VTI1B: variants seen among roughly 807,000 people sequenced by gnomAD.
The protein encoded by VTI1B is vesicle transport through interaction with t-SNAREs 1B.
A neutral mutation model predicts 28.6 loss-of-function variants in VTI1B; 18 were observed. The observed-to-expected ratio is 0.63, with a 90% confidence interval of 0.43 to 0.93. VTI1B has a LOEUF of 0.93. VTI1B is among the 40% of genes least tolerant of loss of function. VTI1B has a pLI of 0.00. For synonymous variants in VTI1B, 100 were observed against 107.9 expected, an observed-to-expected ratio of 0.93 and a Z score of 0.46; for missense variants, 283 against 297.0, an observed-to-expected ratio of 0.95 and a Z score of 0.35.
chr14:67,674,330 C>T, intron 1 of VTI1B, 45 bp downstream of exon 1: 1 of 1,487,164 alleles, frequency 6.7e-7, no homozygotes, highest in Non-Finnish European at 9.0e-7. Flanking sequence ...CCTTCCAAAG[C>T]GCGCAGGGCT....
intron 1 of VTI1B, among the ~76,000 whole-genome samples, chr14:67,667,923 G>T (rs1388640106): frequency 6.6e-5 from 10 of 152,058 alleles, no homozygotes; most frequent in Admixed American, 6.6e-4. Flanking sequence ...CAGCCTGGGT[G>T]AAAGAGCAAC....
intron 1 of VTI1B, among the ~76,000 whole-genome samples, chr14:67,672,875 C>A (rs984641913): frequency 6.6e-6 from 1 of 152,224 alleles, no homozygotes; most frequent in Non-Finnish European, 1.5e-5. Context: ...CATGATCTGG[C>A]CCTGCTTATC....
chr14:67,665,747 C>T (rs1018822974), intron 1 of VTI1B, among the ~76,000 whole-genome samples: 2 of 152,174 alleles, frequency 1.3e-5, no homozygotes, highest in African/African-American at 4.8e-5. Flanking sequence ...AATGACAACA[C>T]ACCCTTTACT....
chr14:67,671,825 C>A (rs2037468353), intron 1 of VTI1B, among the ~76,000 whole-genome samples: 3 of 152,140 alleles, frequency 2.0e-5, no homozygotes, highest in Admixed American at 2.0e-4. Context: ...AGAGAGCAGG[C>A]AAGCAAGAGA....
intron 1 of VTI1B, among the ~76,000 whole-genome samples, chr14:67,671,845 T>G (rs2037468635): frequency 6.6e-6 from 1 of 152,170 alleles, no homozygotes; most frequent in Admixed American, 6.5e-5. Context: ...AGGGCTGAAC[T>G]AACCCACTCT....
At position 67,649,956 on chromosome 14, in the gene VTI1B, G is replaced by A. The variant is rs539442013; in HGVS notation, c.*1429C>T. Reference sequence around the variant, plus strand: ...GTAGCAGGTCTGGATAGGTTCTTCTGGTTTAAGCTTCCCTTCCACTTGCTC... The same window carrying A: ...GTAGCAGGTCTGGATAGGTTCTTCTAGTTTAAGCTTCCCTTCCACTTGCTC... On this transcript the variant is annotated 3_prime_UTR_variant, in exon 6 of 6. Transcript: ENST00000554659. 6.6e-6 allele frequency: 1 copy of A among 152,332 alleles called. No homozygotes were observed. Among genetic ancestry groups the A allele is most frequent in the African/African-American group, 2.4e-5 (1 of 41,554 alleles). 9.4% of individuals were successfully genotyped at this position (152,332 alleles called of 1,614,324 possible).
intron 1 of VTI1B, 26 bp from the exon 2 acceptor site, chr14:67,662,561 T>G (rs1370497902): frequency 6.3e-7 from 1 of 1,579,620 alleles, no homozygotes. Context: ...AAGTTTCAAA[T>G]GCTTATTACT....
At position 67,653,503 on chromosome 14, in the gene VTI1B, G is replaced by A. The variant is rs559193124; in HGVS notation, c.541-5C>T. 19 of 1,612,774 alleles carry A rather than the reference G, an allele frequency of 1.2e-5. No homozygotes were observed. The highest frequency in any genetic ancestry group is 4.0e-5 in the African/African-American group (3 of 74,906). Reference sequence around the variant, plus strand: ...GTTTTCACTTGTGTTTACCAGCTGAGAAGAGAAAATAGTGATTATTTCCCT... The same window carrying A: ...GTTTTCACTTGTGTTTACCAGCTGAAAAGAGAAAATAGTGATTATTTCCCT... On this transcript the variant is annotated splice_region_variant and splice_polypyrimidine_tract_variant and intron_variant, in intron 4 of 5. Transcript: ENST00000554659.
Position 67,656,592 on chromosome 14 carries a change from GA to G in VTI1B, c.367-4del. On this transcript the variant is annotated splice_region_variant and splice_polypyrimidine_tract_variant and intron_variant, in intron 3 of 5. Transcript: ENST00000554659. ...GCCCTTTGAGACTGTAGCCGATTCT[GA>G]AAGAAGTATGGAAGAGAAATGTTAG... 6.3e-7 allele frequency: 1 copy of G among 1,597,250 alleles called. No homozygotes were observed. Among genetic ancestry groups the G allele is most frequent in the Non-Finnish European group, 8.5e-7 (1 of 1,172,108 alleles).
At chr14:67,674,323 T>C (rs1182974070) in intron 1 of VTI1B, 52 bp downstream of exon 1, 5 of 1,468,486 alleles carry the variant, frequency 3.4e-6, no homozygotes, top group Non-Finnish European at 4.5e-6. Context: ...GAATCTTCCT[T>C]CCAAAGCGCG....
chr14:67,674,558 C>A lies in VTI1B; in HGVS notation c.-69G>T. 2 of 1,392,068 alleles carry A rather than the reference C, an allele frequency of 1.4e-6. No homozygotes were observed. Among genetic ancestry groups the A allele is most frequent in the South Asian group, 1.4e-5 (1 of 71,740 alleles). The allele number at this position is 1,392,068 out of a possible 1,614,324, so 86.2% of individuals were successfully genotyped here. A position where few individuals can be genotyped will look rare whatever the true frequency, so the allele number is the denominator to read the frequency against. On this transcript the variant is annotated 5_prime_UTR_variant, in exon 1 of 6. The change abolishes the stop of an existing upstream ORF in the 5' untranslated region. Transcript: ENST00000554659. ...CTGGGCCCTTTCCTAGCCCGGCGGT[C>A]AGCCGCCCAGCCCAGTGGCCATAAC...
rs760437945 is a variant in VTI1B, at chr14:67,651,444, AGAT to A, written c.637_639del (p.Ile213del). The A allele has an allele frequency of 2.5e-6, 4 of 1,614,012 alleles. No individual in the cohort carries two copies. In the African/African-American group the frequency reaches 4.0e-5, roughly 16 times the overall value. On this transcript the variant is annotated inframe_deletion, in exon 6 of 6. Coordinates refer to ENST00000554659, the MANE Select transcript of VTI1B (RefSeq NM_006370.3). ...CCTCCCAGGATGGCGAGCTCCAGTA[AGAT>A]GATAATGGAAAGCAGCAGCTTGTTG...
At chr14:67,672,744 G>T (rs2037483954) in intron 1 of VTI1B, among the ~76,000 whole-genome samples, 1 of 152,042 alleles carries the variant, frequency 6.6e-6, no homozygotes, top group Admixed American at 6.6e-5. Flanking sequence ...TACCCTGCCT[G>T]CAGTCTACTT....
At chr14:67,653,821 A>G (rs2037219618) in intron 4 of VTI1B, among the ~76,000 whole-genome samples, 1 of 152,252 alleles carries the variant, frequency 6.6e-6, no homozygotes, top group Non-Finnish European at 1.5e-5. Flanking sequence ...CAGTGACTGT[A>G]GAGCAACTTA....
rs1006621317 is a variant in VTI1B at position 67,648,959 on chromosome 14, G to T, written c.*2426C>A. On this transcript the variant is annotated 3_prime_UTR_variant, in exon 6 of 6. Transcript: ENST00000554659. ...AGAGAACCCTTGACTAGCTGGGATA[G>T]AAACTCACATTGAGAAATGGTCTCC... The T allele has an allele frequency of 2.6e-5, 4 of 152,200 alleles. No individual in the cohort carries two copies. Among genetic ancestry groups the T allele is most frequent in the South Asian group, 2.1e-4 (1 of 4,830 alleles). 9.4% of individuals were successfully genotyped at this position (152,200 alleles called of 1,614,324 possible).
intron 1 of VTI1B, among the ~76,000 whole-genome samples, chr14:67,669,271 T>A (rs61990130): frequency 1.4e-5 from 1 of 73,720 alleles, no homozygotes; most frequent in Non-Finnish European, 2.3e-5. Flanking sequence ...TTCTTCATAA[T>A]TTTTTTTTTT....
chr14:67,659,598 A>C (rs1207317245), intron 3 of VTI1B, 133 bp downstream of exon 3: 6 of 896,512 alleles, frequency 6.7e-6, no homozygotes, highest in Non-Finnish European at 9.5e-6. Context: ...TGCAGAAAAG[A>C]GGATAAGGGT....
At chr14:67,665,349 GAAGCAATCCTCCCACCTGCTC>G (rs1425820035) in intron 1 of VTI1B, among the ~76,000 whole-genome samples, 1 of 148,160 alleles carries the variant, frequency 6.7e-6, no homozygotes, top group Non-Finnish European at 1.5e-5. Context: ...CTCCCAGGCT[GAAGCAATCCTCCCACCTGCTC>G]AAGCAATTCT....
rs892682163 is a variant in VTI1B at position 67,648,928 on chromosome 14, G to A, written c.*2457C>T. 4 of 152,236 alleles carry A rather than the reference G, an allele frequency of 2.6e-5. No homozygotes were observed. The highest frequency in any genetic ancestry group is 2.0e-4 in the Admixed American group (3 of 15,290). The allele number at this position is 152,236 out of a possible 1,614,324, so 9.4% of individuals were successfully genotyped here. ...AGAGACCCCAGATTGAAAGGTTCAG[G>A]GCTATAGAGAACCCTTGACTAGCTG... On this transcript the variant is annotated 3_prime_UTR_variant, in exon 6 of 6. Coordinates refer to ENST00000554659, the MANE Select transcript of VTI1B (RefSeq NM_006370.3).
Sources: gnomAD v4.1 joint callset for allele counts (sites outside exome capture counted in the v4.1 genomes callset) on GRCh38, gnomAD v4.1.1 for gene constraint, MANE v1.5 for transcripts, NCBI Gene and HGNC (gene_info 2026-07-23, HGNC 2026-07-21) for gene names.